GRIN2B: variants seen among roughly 807,000 people sequenced by gnomAD.
The protein encoded by GRIN2B is glutamate receptor ionotropic, NMDA 2B.
GRIN2B carries 5 observed loss-of-function variants against 114.5 expected under a neutral mutation model. That is an observed-to-expected ratio of 0.04 (90% confidence interval 0.02 to 0.09). The LOEUF is 0.09. Among genes scored for constraint, GRIN2B ranks in the 10% least tolerant of loss-of-function variants. The probability of loss-of-function intolerance (pLI) is 1.00; values close to 1 mark genes in which losing one functional copy is unlikely to be tolerated. For synonymous variants in GRIN2B, 787 were observed against 745.1 expected, an observed-to-expected ratio of 1.06 and a Z score of -0.92; for missense variants, 1,108 against 1,943.5, an observed-to-expected ratio of 0.57 and a Z score of 8.08.
chr12:13,577,928 T>C (rs551659601), intron 10 of GRIN2B, among the ~76,000 whole-genome samples: 10 of 152,366 alleles, frequency 6.6e-5, no homozygotes, highest in African/African-American at 2.4e-4. Flanking sequence ...CATTCATTTA[T>C]ATAAGCATTC....
intron 2 of GRIN2B, among the ~76,000 whole-genome samples, chr12:13,932,508 G>A (rs1487457346): frequency 6.6e-6 from 1 of 152,160 alleles, no homozygotes; most frequent in East Asian, 1.9e-4. Flanking sequence ...AGTAATAAAT[G>A]TCTGCCTACT....
At chr12:13,975,589 C>T (rs1224001932) in intron 2 of GRIN2B, among the ~76,000 whole-genome samples, 4 of 152,202 alleles carry the variant, frequency 2.6e-5, no homozygotes, top group Non-Finnish European at 5.9e-5. Flanking sequence ...TTTAACCCTT[C>T]CTAAACCCAA....
At chr12:13,915,009 T>C (rs1866689292) in intron 2 of GRIN2B, among the ~76,000 whole-genome samples, 1 of 152,144 alleles carries the variant, frequency 6.6e-6, no homozygotes, top group African/African-American at 2.4e-5. Context: ...TTTCCACAGT[T>C]AGCAATAATC....
intron 2 of GRIN2B, among the ~76,000 whole-genome samples, chr12:13,894,076 G>A (rs965405507): frequency 3.3e-5 from 5 of 152,090 alleles, no homozygotes; most frequent in East Asian, 3.9e-4. Flanking sequence ...TTAGAGGGGG[G>A]TGGCCAAGGA....
chr12:13,784,097 A>G (rs543889111), intron 3 of GRIN2B, among the ~76,000 whole-genome samples: 1 of 151,764 alleles, frequency 6.6e-6, no homozygotes, highest in African/African-American at 2.4e-5. Flanking sequence ...GGTGGCAGGC[A>G]CCTGTAGTCC....
chr12:13,888,792 T>A (rs1359861930), intron 2 of GRIN2B, among the ~76,000 whole-genome samples: 2 of 147,186 alleles, frequency 1.4e-5, no homozygotes, highest in Non-Finnish European at 1.5e-5. Flanking sequence ...GTATAAAAGA[T>A]AAAAAAAAAA....
intron 13 of GRIN2B, among the ~76,000 whole-genome samples, chr12:13,566,535 C>T (rs1458409176): frequency 6.6e-6 from 1 of 152,204 alleles, no homozygotes; most frequent in African/African-American, 2.4e-5. Context: ...GAGCTTATTT[C>T]TAAAGGTTCT....
chr12:13,896,194 T>C (rs1371109972), intron 2 of GRIN2B, among the ~76,000 whole-genome samples: 1 of 152,032 alleles, frequency 6.6e-6, no homozygotes, highest in African/African-American at 2.4e-5. Context: ...TAACTGGCAA[T>C]AAACTCAAAG....
At chr12:13,743,078 C>T (rs73298393) in intron 4 of GRIN2B, among the ~76,000 whole-genome samples, 49 of 152,300 alleles carry the variant, frequency 3.2e-4, no homozygotes, top group African/African-American at 1.1e-3. Context: ...ACTATGCTCA[C>T]ATATCTCATT....
rs34320563 is a variant in GRIN2B at position 13,739,374 on chromosome 12, CAAAAAAAAAAAAAA to C, written c.1010+13929_1010+13942del. 1.7e-4 allele frequency among the ~76,000 whole-genome samples: 10 copies of C among 59,362 alleles called. 1 individual carries two copies. The highest frequency in any genetic ancestry group is 1.1e-3 in the South Asian group (1 of 922). 38.9% of individuals were successfully genotyped at this position (59,362 alleles called of 152,430 possible). On this transcript the variant is annotated intron_variant, in intron 4 of 13. Coordinates refer to ENST00000609686, the MANE Select transcript of GRIN2B (RefSeq NM_000834.5). ...GGGCAACAAGAGTGAAACTCCGTCT[CAAAAAAAAAAAAAA>C]AAAAAAAAAAAAAAGAAGAAAAGGA... is the stretch of plus-strand genomic sequence containing the variant.
In GRIN2B at chr12:13,563,404, G is replaced by T; in HGVS notation, c.3834C>A (p.Thr1278=). The T allele has an allele frequency of 1.9e-6, 3 of 1,614,222 alleles. No homozygotes were observed. Among genetic ancestry groups the T allele is most frequent in the Non-Finnish European group, 2.5e-6 (3 of 1,180,054 alleles). The change falls in exon 14 of 14, where the codon ACC becomes ACA. Residue 1278 remains threonine (T), a synonymous_variant. Coordinates refer to ENST00000609686, the MANE Select transcript of GRIN2B (RefSeq NM_000834.5). ...APVAVTSNAS[T]TKYPQSPTNS... Reference sequence around the variant, plus strand: ...TAGTCGGGCTCTGAGGGTACTTAGTGGTGGAGGCGTTTGACGTCACCGCCA... The same window carrying T: ...TAGTCGGGCTCTGAGGGTACTTAGTTGTGGAGGCGTTTGACGTCACCGCCA...
chr12:13,708,247 C>G (rs140960628), intron 4 of GRIN2B, among the ~76,000 whole-genome samples: 1 of 152,200 alleles, frequency 6.6e-6, no homozygotes, highest in African/African-American at 2.4e-5. Flanking sequence ...CTCCTTCCCC[C>G]ACGCTTCCCG....
chr12:13,593,527 C>T (rs1949035364), intron 10 of GRIN2B, among the ~76,000 whole-genome samples: 1 of 152,152 alleles, frequency 6.6e-6, no homozygotes. Context: ...CTTCCTTACA[C>T]CTTATATAAA....
At chr12:13,778,313 T>C (rs1864043327) in intron 3 of GRIN2B, among the ~76,000 whole-genome samples, 1 of 152,246 alleles carries the variant, frequency 6.6e-6, no homozygotes, top group South Asian at 2.1e-4. Flanking sequence ...CTGAAGAATG[T>C]ATTACACTCT....
At chr12:13,713,593 G>A (rs907996165) in intron 4 of GRIN2B, among the ~76,000 whole-genome samples, 1 of 151,908 alleles carries the variant, frequency 6.6e-6, no homozygotes, top group African/African-American at 2.4e-5. Flanking sequence ...AATAGAACAA[G>A]AAGTCACATG....
chr12:13,701,127 A>C (rs143732084), intron 4 of GRIN2B, among the ~76,000 whole-genome samples: 97 of 152,010 alleles, frequency 6.4e-4, no homozygotes, highest in African/African-American at 2.2e-3. Context: ...GTCGGATCTC[A>C]AGAGAACTCA....
At chr12:13,940,908 C>T (rs1185241940) in intron 2 of GRIN2B, among the ~76,000 whole-genome samples, 1 of 151,884 alleles carries the variant, frequency 6.6e-6, no homozygotes, top group Non-Finnish European at 1.5e-5. Context: ...ATGATTGAAA[C>T]TAGGGGACTC....
chr12:13,904,200 CCT>C (rs71067737), intron 2 of GRIN2B, among the ~76,000 whole-genome samples: 22,431 of 151,782 alleles, frequency 0.15, 2,079 homozygotes, highest in Non-Finnish European at 0.19. Context: ...TTCCACACCT[CCT>C]CTGTTTCTTC....
intron 4 of GRIN2B, among the ~76,000 whole-genome samples, chr12:13,678,962 G>T (rs963450014): frequency 6.6e-6 from 1 of 150,990 alleles, no homozygotes; most frequent in African/African-American, 2.5e-5. Flanking sequence ...ATTTTGAAAG[G>T]AGGAAGGAAA....
Sources: gnomAD v4.1 joint callset for allele counts (sites outside exome capture counted in the v4.1 genomes callset) on GRCh38, gnomAD v4.1.1 for gene constraint, MANE v1.5 for transcripts, NCBI Gene and HGNC (gene_info 2026-07-23, HGNC 2026-07-21) for gene names.